FHIP1A: variants seen among roughly 807,000 people sequenced by gnomAD.
FHIP1A encodes the protein FHF complex subunit HOOK-interacting protein 1A.
Under a neutral mutation model 88.6 loss-of-function variants are expected in FHIP1A, and 61 were observed. The ratio of observed to expected loss-of-function variants is 0.69; its 90% CI spans 0.56 to 0.85. The LOEUF is 0.85. FHIP1A is among the 40% of genes least tolerant of loss of function. The pLI is 0.00. For synonymous variants in FHIP1A, 478 were observed against 496.0 expected (o/e 0.96, Z 0.48); for missense variants, 1,154 against 1,273.5 (o/e 0.91, Z 1.43).
At chr4:151,483,198 A>G (rs1308642626) in intron 3 of FHIP1A, among the ~76,000 whole-genome samples, 1 of 152,108 alleles carries the variant, frequency 6.6e-6, no homozygotes, top group Non-Finnish European at 1.5e-5. Context: ...ATTAAAATCA[A>G]TAAGTCAATC....
intron 7 of FHIP1A, among the ~76,000 whole-genome samples, chr4:151,627,115 T>C (rs1395985968): frequency 6.6e-6 from 1 of 152,216 alleles, no homozygotes; most frequent in African/African-American, 2.4e-5. Flanking sequence ...GTTATTCGTT[T>C]AAGGTGAGTA....
At chr4:151,564,926 A>T (rs551872685) in intron 3 of FHIP1A, among the ~76,000 whole-genome samples, 3 of 152,148 alleles carry the variant, frequency 2.0e-5, no homozygotes, top group South Asian at 4.1e-4. Context: ...ACTATTTTCC[A>T]GTGTCTAATT....
chr4:151,589,143 C>G (rs920426456), intron 7 of FHIP1A, among the ~76,000 whole-genome samples: 8 of 152,110 alleles, frequency 5.3e-5, no homozygotes, highest in African/African-American at 1.9e-4. Context: ...TTGTGAGTGT[C>G]AAGTAGGATA....
At chr4:151,531,977 A>C (rs1220587808) in intron 3 of FHIP1A, among the ~76,000 whole-genome samples, 4 of 152,242 alleles carry the variant, frequency 2.6e-5, no homozygotes, top group East Asian at 1.9e-4. Flanking sequence ...TTACAAAATA[A>C]AAAAGGTAAG....
chr4:151,469,249 G>A (rs556970258), intron 2 of FHIP1A, among the ~76,000 whole-genome samples: 5 of 152,274 alleles, frequency 3.3e-5, no homozygotes, highest in African/African-American at 7.2e-5. Flanking sequence ...CTACTCAGGC[G>A]TTACTGTATA....
intron 7 of FHIP1A, among the ~76,000 whole-genome samples, chr4:151,606,218 G>A (rs1407979511): frequency 6.6e-6 from 1 of 152,180 alleles, no homozygotes; most frequent in East Asian, 1.9e-4. Flanking sequence ...GTAGACACAA[G>A]TCCTCTTACT....
chr4:151,494,288 G>A (rs1458662710), intron 3 of FHIP1A, among the ~76,000 whole-genome samples: 4 of 152,044 alleles, frequency 2.6e-5, no homozygotes, highest in Non-Finnish European at 4.4e-5. Context: ...TATCTTCCAG[G>A]GTTTTTATAG....
Position 151,629,744 on chromosome 4 carries a change from CT to C in FHIP1A, c.1025del (p.Phe342SerfsTer29). On this transcript the variant is annotated frameshift_variant, in exon 8 of 14. Coordinates refer to ENST00000435205, the MANE Select transcript of FHIP1A (RefSeq NM_001109977.3). LOFTEE classifies it high-confidence loss of function. ...CATGACCACAACTGCATATCTGGAC[CT>C]TTTCCTGCGTAGCATCTCCGAGCCA... ...EVMTTTAYLD[L>X]FLRSISEPAL... The C allele has an allele frequency of 1.3e-6, 2 of 1,551,344 alleles. No individual in the cohort carries two copies. The highest frequency in any genetic ancestry group is 1.7e-6 in the Non-Finnish European group (2 of 1,146,774).
intron 3 of FHIP1A, among the ~76,000 whole-genome samples, chr4:151,534,116 T>C (rs559528031): frequency 3.4e-4 from 52 of 152,332 alleles, no homozygotes; most frequent in African/African-American, 1.3e-3. Flanking sequence ...AGTCTGTCCA[T>C]AGAAAACCTA....
At chr4:151,564,871 G>A (rs911704010) in intron 3 of FHIP1A, among the ~76,000 whole-genome samples, 19 of 152,116 alleles carry the variant, frequency 1.2e-4, no homozygotes, top group African/African-American at 4.6e-4. Context: ...CATGTCGAAT[G>A]GTTGCCCTCC....
intron 3 of FHIP1A, among the ~76,000 whole-genome samples, chr4:151,565,560 T>G (rs1490166331): frequency 2.0e-5 from 3 of 152,136 alleles, no homozygotes; most frequent in Non-Finnish European, 4.4e-5. Context: ...CTTTCAATTC[T>G]GACAGCCATT....
chr4:151,647,124 G>C (rs1736828124), intron 10 of FHIP1A, among the ~76,000 whole-genome samples: 1 of 152,142 alleles, frequency 6.6e-6, no homozygotes, highest in African/African-American at 2.4e-5. Flanking sequence ...GCCACTTATA[G>C]AAATCTGTCA....
chr4:151,428,818 T>C (rs1252921789), intron 1 of FHIP1A, among the ~76,000 whole-genome samples: 2 of 151,882 alleles, frequency 1.3e-5, no homozygotes, highest in African/African-American at 4.8e-5. Flanking sequence ...TTGACCATAC[T>C]TGGAACACCA....
At chr4:151,613,529 G>T (rs954716123) in intron 7 of FHIP1A, among the ~76,000 whole-genome samples, 1 of 152,228 alleles carries the variant, frequency 6.6e-6, no homozygotes, top group African/African-American at 2.4e-5. Context: ...TTTCTTTGAA[G>T]AGTGTGATTG....
chr4:151,431,322 T>G (rs1347761773), intron 1 of FHIP1A, among the ~76,000 whole-genome samples: 3 of 152,160 alleles, frequency 2.0e-5, no homozygotes, highest in Non-Finnish European at 4.4e-5. Context: ...CAAATGCAAT[T>G]GTCCCCCAGA....
At chr4:151,545,233 C>T (rs1732446576) in intron 3 of FHIP1A, among the ~76,000 whole-genome samples, 2 of 152,074 alleles carry the variant, frequency 1.3e-5, no homozygotes, top group Non-Finnish European at 2.9e-5. Flanking sequence ...GCAGTTTAAT[C>T]TTTCTTTGAT....
chr4:151,617,080 C>T (rs1284275599), intron 7 of FHIP1A, among the ~76,000 whole-genome samples: 5 of 151,990 alleles, frequency 3.3e-5, no homozygotes, highest in African/African-American at 1.2e-4. Flanking sequence ...AAGCCTGGCT[C>T]CCAGGAGAAG....
Position 151,662,877 on chromosome 4 carries a change from G to T in FHIP1A, c.*123G>T, listed in dbSNP as rs1737522826. 3 of 957,928 alleles carry T rather than the reference G, an allele frequency of 3.1e-6. No individual in the cohort carries two copies. Among genetic ancestry groups the T allele is most frequent in the Admixed American group, 7.3e-5 (2 of 27,426 alleles). The allele number at this position is 957,928 out of a possible 1,614,324, so 59.3% of individuals were successfully genotyped here. ...AATGTTTCCTGACAATACTTGATTT[G>T]TGGGGAGGGGAATTTTCTGTATCTT... On this transcript the variant is annotated 3_prime_UTR_variant, in exon 14 of 14. Transcript: ENST00000435205.
At chr4:151,500,864 A>G (rs1469832244) in intron 3 of FHIP1A, among the ~76,000 whole-genome samples, 1 of 152,224 alleles carries the variant, frequency 6.6e-6, no homozygotes, top group Non-Finnish European at 1.5e-5. Flanking sequence ...TTTTTCAGAT[A>G]GGTTACTCAC....
Sources: allele counts gnomAD v4.1 joint callset (sites outside exome capture counted in the v4.1 genomes callset), GRCh38; gene constraint gnomAD v4.1.1; transcripts MANE v1.5; gene names NCBI Gene and HGNC (gene_info 2026-07-23, HGNC 2026-07-21).